Variants in SCNN1D observed in about 807,000 individuals in gnomAD.
The protein encoded by SCNN1D is sodium channel epithelial 1 subunit delta.
A neutral mutation model predicts 87.8 loss-of-function variants in SCNN1D; 104 were observed. The observed-to-expected ratio is 1.18, with a 90% CI of 1.01 to 1.39. The LOEUF is 1.39. SCNN1D is among the 40% of genes most tolerant of loss of function. The probability of loss-of-function intolerance (pLI) is 0.00; values close to 1 mark genes in which losing one functional copy is unlikely to be tolerated. For synonymous variants in SCNN1D, 628 were observed against 481.2 expected, an observed-to-expected ratio of 1.31 and a Z score of -3.99; for missense variants, 1,324 against 1,093.9, an observed-to-expected ratio of 1.21 and a Z score of -2.97.
chr1:1,281,086 G>T, intron 1 of SCNN1D, 140 bp from the exon 2 acceptor site: 1 of 807,220 alleles, frequency 1.2e-6, no homozygotes, highest in South Asian at 1.7e-5. Context: ...TGGGCTGCCT[G>T]TCTATTGCAC....
In SCNN1D at chr1:1,288,268, CT is replaced by C. The variant is rs1557584375; in HGVS notation, c.1662+232del. ...GTCTCTGCTCCGTCCCGTGTCTCTG[CT>C]CCGTCCCCCGAGTCTCTGCTCCGTC... On this transcript the variant is annotated intron_variant, in intron 12 of 17. Coordinates refer to ENST00000379116, the MANE Select transcript of SCNN1D (RefSeq NM_001130413.4). Among the ~76,000 whole-genome samples, 145 of 101,850 alleles carry C rather than the reference CT, an allele frequency of 1.4e-3. 13 individuals carry two copies. Among genetic ancestry groups the C allele is most frequent in the African/African-American group, 6.4e-3 (103 of 16,148 alleles). The allele number at this position is 101,850 out of a possible 152,430, so 66.8% of individuals were successfully genotyped here.
chr1:1,282,860 C>G (rs1328941479), intron 4 of SCNN1D, among the ~76,000 whole-genome samples: 16 of 151,864 alleles, frequency 1.1e-4, no homozygotes, highest in Admixed American at 1.0e-3. Flanking sequence ...TCACACCATT[C>G]TCCTGCCTCA....
rs545415455 is a variant in SCNN1D at position 1,290,761 on chromosome 1, C to T, written c.1917+67C>T. On this transcript the variant is annotated intron_variant, in intron 15 of 17. Coordinates refer to ENST00000379116, the MANE Select transcript of SCNN1D (RefSeq NM_001130413.4). ...GCAGACCCCACAGGTCCCACAGAGC[C>T]CACCCAAGACAAGGGCAGGGCCGGA... 1.4e-4 allele frequency: 227 copies of T among 1,597,192 alleles called. 1 individual carries two copies. The South Asian group carries it at 2.3e-3, about 16-fold the overall frequency.
rs1640571519 is a variant in SCNN1D, at chr1:1,285,601, C to T, written c.495C>T (p.Pro165=). 6.5e-7 allele frequency: 1 copy of T among 1,544,872 alleles called. No individual in the cohort carries two copies. The highest frequency in any genetic ancestry group is 1.4e-5 in the African/African-American group (1 of 72,852). ...CTGGGCCTGTGGCTCCCCAGAGGCCCTGCCACCTGAAGGGATGGCAGCACA... is the reference window on the plus strand; with the variant it reads ...CTGGGCCTGTGGCTCCCCAGAGGCCTTGCCACCTGAAGGGATGGCAGCACA... ...RSPGPVAPQR[P]CHLKGWQHRP... Residue 165 remains proline (P), a synonymous_variant, in exon 6 of 18, where the codon CCC becomes CCT. Transcript: ENST00000379116.
At chr1:1,291,208 G>GCA (rs1640803205) in intron 17 of SCNN1D, 46 bp from the exon 18 acceptor site, 1 of 1,579,572 alleles carries the variant, frequency 6.3e-7, no homozygotes, top group Non-Finnish European at 8.6e-7. Context: ...CACAGAAGGG[G>GCA]CACGGGGGCC....
Position 1,291,099 on chromosome 1 carries a change from G to A in SCNN1D, c.2011G>A (p.Glu671Lys), listed in dbSNP as rs752512616. Residue 671 changes from glutamate (E) to lysine (K), a missense_variant, in exon 17 of 18, where the codon GAG becomes AAG. Physicochemically the swap from Glu to Lys is moderately conservative, Grantham distance 56. Transcript: ENST00000379116. ...GGCCAAAATCAACATCGTCTACCAG[G>A]AGCTCAACTACCGCTCAGTGGAGGA... ...SLAKINIVYQ[E>K]LNYRSVEEAP... The A allele has an allele frequency of 9.9e-6, 16 of 1,612,388 alleles. No individual in the cohort carries two copies. Among genetic ancestry groups the A allele is most frequent in the Non-Finnish European group, 6.8e-6 (8 of 1,179,826 alleles).
In SCNN1D at chr1:1,291,529, G is replaced by T. The variant is rs773771767; in HGVS notation, c.2328G>T (p.Val776=). 1 of 1,605,856 alleles carries T rather than the reference G, an allele frequency of 6.2e-7. No homozygotes were observed. Among genetic ancestry groups the T allele is most frequent in the Non-Finnish European group, 8.5e-7 (1 of 1,175,288 alleles). ...CCAGCGGGCCTCATCTCCCACGGGT[G>T]ATGCTTCCAGGGGTTCTGGCGGGAG... The part of the protein sequence containing the change: ...PEPSGPHLPR[V]MLPGVLAGVS... The change falls in exon 18 of 18, where the codon GTG becomes GTT. Residue 776 remains valine, a synonymous_variant. Transcript: ENST00000379116.
In SCNN1D at chr1:1,285,994, C is replaced by A; in HGVS notation, c.627C>A (p.His209Gln). 1 of 1,560,002 alleles carries A rather than the reference C, an allele frequency of 6.4e-7. No individual in the cohort carries two copies. Among genetic ancestry groups the A allele is most frequent in the Non-Finnish European group, 8.7e-7 (1 of 1,151,508 alleles). The part of the protein sequence containing the change: ...SAPPPPPKEG[H>Q]QEGLVELPAS... ...CACCACCACCACCCAAGGAGGGGCA[C>A]CAGGAGGGGCTGGTGGAGCTGCCCG... is the stretch of plus-strand genomic sequence containing the variant. Residue 209 changes from histidine (H) to glutamine (Q), a missense_variant, in exon 7 of 18, where the codon CAC becomes CAA. Transcript: ENST00000379116.
Position 1,291,082 on chromosome 1 carries a change from T to G in SCNN1D, c.1994T>G (p.Ile665Ser), listed in dbSNP as rs147081324. ...TGCCCCAGGAGCAGCCTGGCCAAAATCAACATCGTCTACCAGGAGCTCAAC... is the reference window on the plus strand; with the variant it reads ...TGCCCCAGGAGCAGCCTGGCCAAAAGCAACATCGTCTACCAGGAGCTCAAC... ...SHRQRSSLAK[I>S]NIVYQELNYR... The change falls in exon 17 of 18, where the codon ATC becomes AGC. Residue 665 changes from isoleucine to serine, a missense_variant. Ile to Ser is a moderately radical substitution (Grantham distance 142, BLOSUM62 -2). Coordinates refer to ENST00000379116, the MANE Select transcript of SCNN1D (RefSeq NM_001130413.4). The G allele has an allele frequency of 8.7e-6, 14 of 1,610,218 alleles. No individual in the cohort carries two copies. Among genetic ancestry groups the G allele is most frequent in the South Asian group, 2.2e-5 (2 of 90,946 alleles).
At chr1:1,281,953 C>T in intron 3 of SCNN1D, 1 of 572,874 alleles carries the variant, frequency 1.7e-6, no homozygotes, top group East Asian at 3.0e-5. Context: ...GCACCTAGGA[C>T]CTTGTCCCCG....
chr1:1,283,996 C>A lies in SCNN1D; in HGVS notation c.370C>A (p.Leu124Met). The A allele has an allele frequency of 6.9e-7, 1 of 1,452,914 alleles. No individual in the cohort carries two copies. The highest frequency in any genetic ancestry group is 1.4e-5 in the South Asian group (1 of 69,554). The allele number at this position is 1,452,914 out of a possible 1,614,324, so 90.0% of individuals were successfully genotyped here. ...TAAATAGGAGGCCAGAGGCTCCATC[C>A]TGCTTCAGAGCTGCCAGCTGCCCCC... ...QSRQEARGSI[L>M]LQSCQLPPQW... is the part of the protein sequence containing the mutation. The change falls in exon 5 of 18, where the codon CTG becomes ATG. Residue 124 changes from leucine (L) to methionine (M), a missense_variant. By Grantham distance (15) the Leu-to-Met change is conservative. Coordinates refer to ENST00000379116, the MANE Select transcript of SCNN1D (RefSeq NM_001130413.4).
intron 4 of SCNN1D, 87 bp downstream of exon 4, chr1:1,282,402 C>G (rs1242140129): frequency 7.0e-7 from 1 of 1,430,366 alleles, no homozygotes; most frequent in African/African-American, 1.4e-5. Flanking sequence ...AGGGACCCAG[C>G]ACCACTTGGG....
rs1248673236 is a variant in SCNN1D, at chr1:1,291,374, G to A, written c.2173G>A (p.Gly725Ser). 2.5e-6 allele frequency: 4 copies of A among 1,608,582 alleles called. No individual in the cohort carries two copies. In the Admixed American group the frequency reaches 6.7e-5, roughly 27 times the overall value. The part of the protein sequence containing the change: ...LDASALTLVL[G>S]GRRLRRAWFS... ...TGCTTCTGCCCTCACCCTGGTGCTA[G>A]GCGGCCGCCGGCTCCGCAGGGCGTG... The change falls in exon 18 of 18, where the codon GGC becomes AGC. Residue 725 changes from glycine to serine, a missense_variant. Coordinates refer to ENST00000379116, the MANE Select transcript of SCNN1D (RefSeq NM_001130413.4).
chr1:1,282,386 A>G, intron 4 of SCNN1D, 71 bp downstream of exon 4: 1 of 1,507,548 alleles, frequency 6.6e-7, no homozygotes. Context: ...TCCCCCAGCC[A>G]AGCCCAGGGA....
chr1:1,288,221 CCGTGTCTCTGCTCCGTCCCG>C lies in SCNN1D; in HGVS notation c.1662+185_1662+204del, dbSNP rs1210394365. On this transcript the variant is annotated intron_variant, in intron 12 of 17. Coordinates refer to ENST00000379116, the MANE Select transcript of SCNN1D (RefSeq NM_001130413.4). ...CCATTCCCTGTGTCTCTGCTCCGTC[CCGTGTCTCTGCTCCGTCCCG>C]TGTCTCTGCTCCGTCCCGTGTCTCT... Among the ~76,000 whole-genome samples, 5 of 135,538 alleles carry C rather than the reference CCGTGTCTCTGCTCCGTCCCG, an allele frequency of 3.7e-5. No homozygotes were observed. The South Asian group carries it at 8.2e-4, about 22-fold the overall frequency. The allele number at this position is 135,538 out of a possible 152,430, so 88.9% of individuals were successfully genotyped here.
intron 12 of SCNN1D, 120 bp from the exon 13 acceptor site, chr1:1,290,151 T>TCTCTGCCCCGTCCCCCGA (rs1640745195): frequency 1.9e-6 from 1 of 528,296 alleles, no homozygotes. Context: ...CTCCGTCCCG[T>TCTCTGCCCCGTCCCCCGA]GTCTCTGCTC....
At position 1,290,279 on chromosome 1, in the gene SCNN1D, G is replaced by A; in HGVS notation, c.1671G>A (p.Leu557=). ...ATCCCCCCTGTCCCCAGGCCTGCCT[G>A]GTGTCCTGCTTCCAGCAGCTGATGG... is the stretch of plus-strand genomic sequence containing the variant. ...HNTSYTRQAC[L]VSCFQQLMVE... Residue 557 remains leucine (L), a synonymous_variant, in exon 13 of 18, where the codon CTG becomes CTA. Coordinates refer to ENST00000379116, the MANE Select transcript of SCNN1D (RefSeq NM_001130413.4). The A allele has an allele frequency of 6.4e-7, 1 of 1,566,008 alleles. No individual in the cohort carries two copies. The highest frequency in any genetic ancestry group is 8.7e-7 in the Non-Finnish European group (1 of 1,154,618).
rs374807388 is a variant in SCNN1D at position 1,287,801 on chromosome 1, C to T, written c.1528C>T (p.Arg510Trp). The change falls in exon 11 of 18, where the codon CGG becomes TGG. Residue 510 changes from arginine to tryptophan, a missense_variant. Physicochemically the swap from Arg to Trp is moderately radical, Grantham distance 101. Transcript: ENST00000379116. ...PFLGHHSFSVRPGTEATISIR... is the reference protein window; with the variant it reads ...PFLGHHSFSVWPGTEATISIR... ...CCTGGGGCACCACAGCTTCAGCGTC[C>T]GGCCAGGGACGGAGGCCACCATCAG... 6.3e-5 allele frequency: 99 copies of T among 1,575,856 alleles called. No homozygotes were observed. In the Middle Eastern group the frequency reaches 6.7e-4, roughly 11 times the overall value.
chr1:1,280,932 C>T (rs1488686808), intron 1 of SCNN1D: 1 of 584,552 alleles, frequency 1.7e-6, no homozygotes, highest in African/African-American at 1.9e-5. Context: ...AGTGCCTGTT[C>T]TGCGGAGGCT....
Sources: gnomAD v4.1 joint callset for allele counts (sites outside exome capture counted in the v4.1 genomes callset) on GRCh38, gnomAD v4.1.1 for gene constraint, MANE v1.5 for transcripts, NCBI Gene and HGNC (gene_info 2026-07-23, HGNC 2026-07-21) for gene names.